Variants in DCHS2 observed in about 807,000 individuals in gnomAD.
DCHS2 encodes the protein dachsous cadherin-related 2, also known as protocadherin-23.
In DCHS2, 142 loss-of-function variants were observed where a neutral mutation model predicts 182.4. The observed-to-expected ratio is 0.78, with a 90% CI of 0.68 to 0.89. The LOEUF (loss-of-function observed/expected upper bound fraction) is 0.89. Ranked by LOEUF, DCHS2 falls within the 40% of genes least tolerant of loss-of-function variation. DCHS2 has a pLI of 0.00. For missense variants in DCHS2, 4,319 were observed against 4,198.6 expected, an observed-to-expected ratio of 1.03 and a Z score of -0.79; for synonymous variants, 1,740 against 1,663.3, an observed-to-expected ratio of 1.05 and a Z score of -1.12.
chr4:154,395,458 T>A (rs1731889764), intron 1 of DCHS2, among the ~76,000 whole-genome samples: 1 of 152,156 alleles, frequency 6.6e-6, no homozygotes, highest in Admixed American at 6.5e-5. Context: ...CTTATACAGG[T>A]CTTCCCACTG....
intron 1 of DCHS2, among the ~76,000 whole-genome samples, chr4:154,465,805 G>C (rs1489280234): frequency 1.3e-5 from 2 of 152,136 alleles, no homozygotes; most frequent in Non-Finnish European, 2.9e-5. Context: ...GAGCCTGGAT[G>C]CCTCATCATG....
chr4:154,310,968 G>C (rs746212010), intron 10 of DCHS2, among the ~76,000 whole-genome samples: 1 of 152,166 alleles, frequency 6.6e-6, no homozygotes, highest in Admixed American at 6.5e-5. Context: ...TATGGCTGCT[G>C]TCTTGCTATA....
chr4:154,462,687 A>G (rs890320904), intron 1 of DCHS2, among the ~76,000 whole-genome samples: 2 of 152,200 alleles, frequency 1.3e-5, no homozygotes, highest in Admixed American at 6.5e-5. Flanking sequence ...AGGGAGATTT[A>G]GCAACTTTAA....
intron 5 of DCHS2, 35 bp from the exon 6 acceptor site, chr4:154,329,745 T>C: frequency 1.3e-6 from 2 of 1,579,526 alleles, no homozygotes; most frequent in Non-Finnish European, 1.7e-6. Context: ...ACACAGGCAC[T>C]GTGTACCAGG....
intron 7 of DCHS2, among the ~76,000 whole-genome samples, chr4:154,324,653 G>A (rs1167168101): frequency 6.6e-6 from 1 of 152,172 alleles, no homozygotes; most frequent in African/African-American, 2.4e-5. Flanking sequence ...TTGAGTAGAA[G>A]CTCCCCTCCA....
intron 9 of DCHS2, among the ~76,000 whole-genome samples, chr4:154,319,551 TG>T (rs1173178178): frequency 6.7e-6 from 1 of 148,372 alleles, no homozygotes; most frequent in African/African-American, 2.5e-5. Context: ...GACATACAAA[TG>T]GCTAACAGGT....
At position 154,335,047 on chromosome 4, in the gene DCHS2, A is replaced by G. The variant is rs772484300; in HGVS notation, c.2534T>C (p.Met845Thr). The change falls in exon 4 of 20, where the codon ATG becomes ACG. Residue 845 changes from methionine to threonine, a missense_variant. Transcript: ENST00000357232. The part of the protein sequence containing the change: ...SHLESTTLSL[M>T]VSAQDGGGLT... ...CCCACCACCGTCTTGAGCAGAGACC[A>G]TCAACGAAAGTGTGGTAGATTCCAA... 1.9e-6 allele frequency: 3 copies of G among 1,614,026 alleles called. No individual in the cohort carries two copies. The highest frequency in any genetic ancestry group is 1.7e-5 in the Admixed American group (1 of 60,028).
At chr4:154,365,261 G>A (rs1730295950) in intron 3 of DCHS2, among the ~76,000 whole-genome samples, 2 of 152,260 alleles carry the variant, frequency 1.3e-5, no homozygotes, top group African/African-American at 4.8e-5. Context: ...ATCTACTTTG[G>A]ACGCCTGTAA....
chr4:154,431,395 G>A (rs1733553507), intron 1 of DCHS2, among the ~76,000 whole-genome samples: 1 of 151,910 alleles, frequency 6.6e-6, no homozygotes, highest in Non-Finnish European at 1.5e-5. Context: ...GTATCATTCA[G>A]CACTAACATA....
chr4:154,301,888 A>G (rs1276723512), intron 12 of DCHS2, among the ~76,000 whole-genome samples: 1 of 152,244 alleles, frequency 6.6e-6, no homozygotes, highest in Non-Finnish European at 1.5e-5. Context: ...TCTGATTCAG[A>G]GATGCATTTA....
intron 10 of DCHS2, 71 bp downstream of exon 10, chr4:154,315,677 T>A: frequency 4.5e-6 from 7 of 1,560,052 alleles, no homozygotes; most frequent in Non-Finnish European, 6.1e-6. Flanking sequence ...ATAACTATTA[T>A]AAATTACGTC....
chr4:154,254,282 C>T (rs977973996), intron 16 of DCHS2, among the ~76,000 whole-genome samples: 2 of 152,078 alleles, frequency 1.3e-5, no homozygotes, highest in East Asian at 1.9e-4. Flanking sequence ...ATAAGGTGAA[C>T]GGTTTCTTAT....
chr4:154,407,798 T>C (rs1732461539), intron 1 of DCHS2, among the ~76,000 whole-genome samples: 1 of 152,200 alleles, frequency 6.6e-6, no homozygotes, highest in Admixed American at 6.5e-5. Context: ...AACTCCACAG[T>C]GGCAGTCCCT....
rs1202165026 is a variant in DCHS2 at position 154,240,684 on chromosome 4, C to G, written c.7212G>C (p.Leu2404Phe). The change falls in exon 18 of 20, where the codon TTG (leucine) becomes TTC (phenylalanine). Residue 2404 changes from leucine to phenylalanine, a missense_variant. Physicochemically the swap from Leu to Phe is conservative, Grantham distance 22 (BLOSUM62 0). Coordinates refer to ENST00000357232, the MANE Select transcript of DCHS2 (RefSeq NM_001358235.2). Reference protein sequence around the residue: ...AIDQNTGVVVLVKTLDFEEMT... With the variant: ...AIDQNTGVVVFVKTLDFEEMT... ...TTTCTTCAAAATCCAATGTTTTCACCAACACCACCACTCCAGTGTTCTGAT... is the reference window on the plus strand; with the variant it reads ...TTTCTTCAAAATCCAATGTTTTCACGAACACCACCACTCCAGTGTTCTGAT... 2 of 1,613,776 alleles carry G rather than the reference C, an allele frequency of 1.2e-6. No individual in the cohort carries two copies. The highest frequency in any genetic ancestry group is 3.3e-5 in the Admixed American group (2 of 59,960).
intron 3 of DCHS2, among the ~76,000 whole-genome samples, chr4:154,365,909 A>C (rs1478657538): frequency 6.6e-6 from 1 of 151,908 alleles, no homozygotes; most frequent in African/African-American, 2.4e-5. Flanking sequence ...CGGCCCCCCA[A>C]AGTGCTGGGA....
At chr4:154,270,717 A>G (rs907208474) in intron 13 of DCHS2, among the ~76,000 whole-genome samples, 2 of 151,660 alleles carry the variant, frequency 1.3e-5, no homozygotes, top group African/African-American at 4.8e-5. Flanking sequence ...TCCAAGCAGA[A>G]GACAATGACC....
At chr4:154,454,710 G>A (rs766525137) in intron 1 of DCHS2, among the ~76,000 whole-genome samples, 2 of 152,056 alleles carry the variant, frequency 1.3e-5, no homozygotes, top group Non-Finnish European at 2.9e-5. Flanking sequence ...TATAAACGAG[G>A]CTCCCCAGAG....
intron 1 of DCHS2, among the ~76,000 whole-genome samples, chr4:154,420,404 T>C (rs1275776827): frequency 2.0e-5 from 3 of 152,186 alleles, no homozygotes; most frequent in African/African-American, 7.2e-5. Context: ...ATGTGCTATC[T>C]GCAAGCTGGA....
intron 1 of DCHS2, among the ~76,000 whole-genome samples, chr4:154,462,957 C>T (rs1735073605): frequency 6.6e-6 from 1 of 151,930 alleles, no homozygotes; most frequent in Non-Finnish European, 1.5e-5. Context: ...GGGAAAATGA[C>T]ATGAAATGAG....
Sources: allele counts gnomAD v4.1 joint callset (sites outside exome capture counted in the v4.1 genomes callset), GRCh38; gene constraint gnomAD v4.1.1; transcripts MANE v1.5; gene names NCBI Gene and HGNC (gene_info 2026-07-23, HGNC 2026-07-21).